The following ZNF385D variants were observed in gnomAD, a reference collection of about 807,000 sequenced individuals.
ZNF385D encodes the protein zinc finger protein 385D.
In ZNF385D, 15 loss-of-function variants were observed where a neutral mutation model predicts 35.8. That is an observed-to-expected ratio of 0.42 (90% CI 0.28 to 0.64). ZNF385D has a LOEUF of 0.64. Ranked by LOEUF, ZNF385D falls within the 30% of genes least tolerant of loss-of-function variation. The probability of loss-of-function intolerance (pLI) is 0.23; values close to 1 mark genes in which losing one functional copy is unlikely to be tolerated. For synonymous variants in ZNF385D, 212 were observed against 186.8 expected (o/e 1.13, Z -1.10); for missense variants, 474 against 494.6 (o/e 0.96, Z 0.39).
At chr3:21,789,464 T>A (rs2071833743) in intron 3 of ZNF385D, among the ~76,000 whole-genome samples, 1 of 152,144 alleles carries the variant, frequency 6.6e-6, no homozygotes, top group Non-Finnish European at 1.5e-5. Flanking sequence ...CTATCTGACT[T>A]TCACTCAACT....
chr3:21,934,570 C>T (rs1420128352), intron 3 of ZNF385D, among the ~76,000 whole-genome samples: 3 of 152,136 alleles, frequency 2.0e-5, no homozygotes, highest in Non-Finnish European at 4.4e-5. Flanking sequence ...ACAGATGTAG[C>T]TTTAACTTCT....
intron 2 of ZNF385D, among the ~76,000 whole-genome samples, chr3:22,274,409 C>A (rs1701324621): frequency 6.6e-6 from 1 of 151,754 alleles, no homozygotes. Flanking sequence ...AAACAACAGG[C>A]CTGGAAATAA....
chr3:22,003,246 A>G (rs1695963828), intron 3 of ZNF385D, among the ~76,000 whole-genome samples: 2 of 152,240 alleles, frequency 1.3e-5, no homozygotes, highest in African/African-American at 4.8e-5. Context: ...ACAAAAATCA[A>G]CATACAGAAA....
intron 1 of ZNF385D, among the ~76,000 whole-genome samples, chr3:21,686,127 G>C (rs1038791460): frequency 6.6e-6 from 1 of 152,160 alleles, no homozygotes; most frequent in African/African-American, 2.4e-5. Flanking sequence ...AAATAGCACA[G>C]TGGAAATTTA....
chr3:22,370,359 CAAAG>C (rs930763860), intron 2 of ZNF385D, among the ~76,000 whole-genome samples: 3 of 152,142 alleles, frequency 2.0e-5, no homozygotes, highest in African/African-American at 7.2e-5. Flanking sequence ...TAACAGGACT[CAAAG>C]AACGTCATTC....
At chr3:21,656,549 A>G (rs777004946) in intron 2 of ZNF385D, among the ~76,000 whole-genome samples, 1 of 151,926 alleles carries the variant, frequency 6.6e-6, no homozygotes, top group Admixed American at 6.6e-5. Context: ...TAATGATCTC[A>G]TCTGAACTAA....
chr3:21,947,935 T>G (rs2125290938), intron 3 of ZNF385D, among the ~76,000 whole-genome samples: 2 of 152,308 alleles, frequency 1.3e-5, no homozygotes, highest in Middle Eastern at 6.8e-3. Flanking sequence ...AGCAAGATAC[T>G]GTTTTTAATT....
At chr3:22,356,124 T>C (rs1696137577) in intron 2 of ZNF385D, among the ~76,000 whole-genome samples, 1 of 152,006 alleles carries the variant, frequency 6.6e-6, no homozygotes, top group Admixed American at 6.6e-5. Flanking sequence ...GCTTGAGATT[T>C]AACTACTTTG....
chr3:22,232,153 T>A (rs1342325841), intron 2 of ZNF385D, among the ~76,000 whole-genome samples: 1 of 152,168 alleles, frequency 6.6e-6, no homozygotes, highest in East Asian at 1.9e-4. Context: ...TCCCTCACTT[T>A]CTTGCGCTCA....
At chr3:21,945,463 TCAA>T (rs1474037171) in intron 3 of ZNF385D, among the ~76,000 whole-genome samples, 1 of 152,144 alleles carries the variant, frequency 6.6e-6, no homozygotes, top group Non-Finnish European at 1.5e-5. Flanking sequence ...TGTGAAAACT[TCAA>T]CAACTCACTG....
At chr3:21,684,695 T>C (rs567670789) in intron 1 of ZNF385D, among the ~76,000 whole-genome samples, 28 of 152,288 alleles carry the variant, frequency 1.8e-4, no homozygotes, top group African/African-American at 6.7e-4. Context: ...GTTTATGGTA[T>C]AATAAGCACA....
chr3:22,185,290 G>A (rs536461897), intron 2 of ZNF385D, among the ~76,000 whole-genome samples: 1 of 152,158 alleles, frequency 6.6e-6, no homozygotes, highest in Non-Finnish European at 1.5e-5. Context: ...CAAATGTTTA[G>A]ATATAATATT....
intron 6 of ZNF385D, among the ~76,000 whole-genome samples, chr3:21,425,232 T>C (rs562839856): frequency 1.3e-5 from 2 of 152,206 alleles, no homozygotes; most frequent in African/African-American, 4.8e-5. Flanking sequence ...ACAAGAATAG[T>C]AAAAACTCAC....
chr3:22,339,466 G>T (rs771595466), intron 2 of ZNF385D, among the ~76,000 whole-genome samples: 8 of 152,082 alleles, frequency 5.3e-5, no homozygotes. Context: ...TACCATCAAA[G>T]GGTTCTTACA....
At chr3:21,990,653 T>C (rs567038911) in intron 3 of ZNF385D, among the ~76,000 whole-genome samples, 2 of 152,322 alleles carry the variant, frequency 1.3e-5, no homozygotes, top group East Asian at 1.9e-4. Flanking sequence ...TACTAGAATA[T>C]ATAAAGTTAT....
chr3:22,142,238 TTA>T (rs1221603127), intron 3 of ZNF385D, among the ~76,000 whole-genome samples: 3 of 152,206 alleles, frequency 2.0e-5, no homozygotes, highest in Admixed American at 6.5e-5. Context: ...CTATGTGTTT[TTA>T]ACTAAAAAAA....
intron 3 of ZNF385D, among the ~76,000 whole-genome samples, chr3:21,769,035 G>A (rs965395789): frequency 9.9e-5 from 15 of 151,966 alleles, no homozygotes; most frequent in Admixed American, 3.9e-4. Flanking sequence ...TTTTAGTTAC[G>A]TCCCATCAAT....
chr3:21,692,323 C>A (rs2067310106), intron 1 of ZNF385D, among the ~76,000 whole-genome samples: 1 of 152,122 alleles, frequency 6.6e-6, no homozygotes, highest in South Asian at 2.1e-4. Context: ...CCACTACATT[C>A]CTGACTCCAT....
At chr3:21,865,602 T>A (rs1016488757) in intron 3 of ZNF385D, among the ~76,000 whole-genome samples, 3 of 152,110 alleles carry the variant, frequency 2.0e-5, no homozygotes, top group Non-Finnish European at 4.4e-5. Context: ...TGTATCTTTA[T>A]CAAGAACTTG....
Sources: allele counts gnomAD v4.1 joint callset (sites outside exome capture counted in the v4.1 genomes callset), GRCh38; gene constraint gnomAD v4.1.1; transcripts MANE v1.5; gene names NCBI Gene and HGNC (gene_info 2026-07-23, HGNC 2026-07-21).